The following SH3D19 variants were observed in gnomAD, a reference collection of about 807,000 sequenced individuals.
SH3D19 encodes the protein SH3 domain-containing protein 19.
Under a neutral mutation model 112.1 loss-of-function variants are expected in SH3D19, and 58 were observed. That is an observed-to-expected ratio of 0.52 (90% confidence interval 0.42 to 0.64). SH3D19 has a LOEUF of 0.64. SH3D19 is among the 30% of genes least tolerant of loss of function. The probability of loss-of-function intolerance (pLI) is 0.00; values close to 1 mark genes in which losing one functional copy is unlikely to be tolerated. For synonymous variants in SH3D19, 391 were observed against 448.5 expected (o/e 0.87, Z 1.62); for missense variants, 1,090 against 1,263.4 (o/e 0.86, Z 2.08).
At chr4:151,211,349 TC>T (rs1765938368) in intron 2 of SH3D19, among the ~76,000 whole-genome samples, 1 of 151,924 alleles carries the variant, frequency 6.6e-6, no homozygotes, top group Non-Finnish European at 1.5e-5. Context: ...AGTTCCCCCA[TC>T]TTTTCCCCTC....
At chr4:151,124,679 C>T (rs1321532490) in intron 19 of SH3D19, among the ~76,000 whole-genome samples, 3 of 151,846 alleles carry the variant, frequency 2.0e-5, no homozygotes, top group African/African-American at 7.3e-5. Context: ...GATCGCGCCG[C>T]TGACTGCACT....
At chr4:151,311,710 T>C (rs1729476387) in intron 1 of SH3D19, among the ~76,000 whole-genome samples, 1 of 152,006 alleles carries the variant, frequency 6.6e-6, no homozygotes, top group Admixed American at 6.5e-5. Flanking sequence ...TAGCAGGGCA[T>C]GTCCCTGCAG....
chr4:151,195,440 C>T lies in SH3D19; in HGVS notation c.153-7977G>A, dbSNP rs530650281. On this transcript the variant is annotated intron_variant, in intron 2 of 19. Transcript: ENST00000604030. ...TTAACCTTAATTTTCAAGCAAGAAACCTAATGCCTATGTTATTCCAGGCAT... is the reference window on the plus strand; with the variant it reads ...TTAACCTTAATTTTCAAGCAAGAAATCTAATGCCTATGTTATTCCAGGCAT... Among the ~76,000 whole-genome samples the T allele has an allele frequency of 9.6e-5, 14 of 145,330 alleles. No individual in the cohort carries two copies. The South Asian group carries it at 2.9e-3, about 30-fold the overall frequency.
At chr4:151,284,051 T>A (rs1464863892) in intron 1 of SH3D19, among the ~76,000 whole-genome samples, 2 of 152,176 alleles carry the variant, frequency 1.3e-5, no homozygotes, top group Non-Finnish European at 2.9e-5. Flanking sequence ...TAGGTGTGGT[T>A]TTCTTTGCAT....
intron 1 of SH3D19, among the ~76,000 whole-genome samples, chr4:151,286,640 T>C (rs945842976): frequency 1.4e-4 from 21 of 147,540 alleles, no homozygotes; most frequent in Non-Finnish European, 2.8e-4. Context: ...AAAGACCAGG[T>C]CCAGATAGAA....
rs1431628615 is a variant in SH3D19 at position 151,176,959 on chromosome 4, G to T, written c.237-4C>A. ...CACAATGGTGATCTCTGGGCGCCTAGTGGACAGAAGCCTCAGTGAGGTTTT... is the reference window on the plus strand; with the variant it reads ...CACAATGGTGATCTCTGGGCGCCTATTGGACAGAAGCCTCAGTGAGGTTTT... On this transcript the variant is annotated splice_region_variant and splice_polypyrimidine_tract_variant and intron_variant, in intron 4 of 19. Coordinates refer to ENST00000604030, the MANE Select transcript of SH3D19 (RefSeq NM_001378122.1). The T allele has an allele frequency of 1.6e-6, 2 of 1,232,190 alleles. No individual in the cohort carries two copies. Among genetic ancestry groups the T allele is most frequent in the East Asian group, 6.3e-5 (2 of 31,706 alleles). 76.3% of individuals were successfully genotyped at this position (1,232,190 alleles called of 1,614,324 possible). A position where few individuals can be genotyped will look rare whatever the true frequency, so the allele number is the denominator to read the frequency against.
At chr4:151,255,206 C>A (rs1437444334) in intron 1 of SH3D19, among the ~76,000 whole-genome samples, 1 of 149,376 alleles carries the variant, frequency 6.7e-6, no homozygotes, top group South Asian at 2.1e-4. Context: ...GGCTGCCGGG[C>A]GGAGAGGCTC....
At chr4:151,321,182 C>A (rs1013009765) in intron 1 of SH3D19, among the ~76,000 whole-genome samples, 7 of 152,122 alleles carry the variant, frequency 4.6e-5, no homozygotes, top group Non-Finnish European at 1.0e-4. Flanking sequence ...CCCTTCTTCC[C>A]CCACCCAAGC....
chr4:151,178,328 C>T (rs1760276330), intron 4 of SH3D19, among the ~76,000 whole-genome samples: 1 of 152,168 alleles, frequency 6.6e-6, no homozygotes, highest in South Asian at 2.1e-4. Flanking sequence ...ATAATACCTG[C>T]TCTGCCTTTC....
At chr4:151,279,670 G>C in intron 1 of SH3D19, 1 of 810,202 alleles carries the variant, frequency 1.2e-6, no homozygotes, top group Non-Finnish European at 2.0e-6. Flanking sequence ...AGAATAGGAT[G>C]GAGTATGGTG....
rs188408204 is a variant in SH3D19, at chr4:151,129,387, C to T, written c.2743-1031G>A. 3.2e-3 allele frequency among the ~76,000 whole-genome samples: 490 copies of T among 151,828 alleles called. 2 individuals are homozygous for T. The highest frequency in any genetic ancestry group is 0.011 in the African/African-American group (455 of 41,412). On this transcript the variant is annotated intron_variant, in intron 17 of 19. Transcript: ENST00000604030. Reference sequence around the variant, plus strand: ...GGATAATGAAAAGGCTTTTTTCTTTCGAGATGGAGTCTCGCTCTGTTGCCC... The same window carrying T: ...GGATAATGAAAAGGCTTTTTTCTTTTGAGATGGAGTCTCGCTCTGTTGCCC...
chr4:151,291,808 G>A (rs754335924), intron 1 of SH3D19, among the ~76,000 whole-genome samples: 10 of 152,092 alleles, frequency 6.6e-5, no homozygotes, highest in Non-Finnish European at 1.3e-4. Flanking sequence ...GGTCTACCTC[G>A]TGCCCATGGG....
At chr4:151,308,480 TACC>T (rs530175312) in intron 1 of SH3D19, among the ~76,000 whole-genome samples, 136 of 152,332 alleles carry the variant, frequency 8.9e-4, no homozygotes, top group African/African-American at 3.0e-3. Context: ...GCCATGTGGG[TACC>T]ACAAGACTCT....
At chr4:151,226,837 G>A (rs1769088536) in intron 1 of SH3D19, among the ~76,000 whole-genome samples, 1 of 152,190 alleles carries the variant, frequency 6.6e-6, no homozygotes, top group Non-Finnish European at 1.5e-5. Context: ...CTTTTCAAAA[G>A]TGACTCTCTA....
At chr4:151,320,851 G>C (rs1580485254) in intron 1 of SH3D19, among the ~76,000 whole-genome samples, 1 of 151,980 alleles carries the variant, frequency 6.6e-6, no homozygotes, top group African/African-American at 2.4e-5. Context: ...ACCAGCCTGG[G>C]CAACATGGCA....
intron 11 of SH3D19, chr4:151,144,488 G>C: frequency 1.7e-6 from 1 of 579,864 alleles, no homozygotes; most frequent in South Asian, 2.2e-5. Context: ...TTGGAGTTAG[G>C]CCCATAGAAC....
chr4:151,124,787 G>A (rs1237435451), intron 19 of SH3D19, among the ~76,000 whole-genome samples: 3 of 152,182 alleles, frequency 2.0e-5, no homozygotes, highest in African/African-American at 7.2e-5. Flanking sequence ...TGAAAGCAGT[G>A]CAGAATCCCT....
intron 1 of SH3D19, among the ~76,000 whole-genome samples, chr4:151,237,142 C>T (rs146851674): frequency 3.9e-5 from 6 of 152,216 alleles, no homozygotes; most frequent in South Asian, 4.1e-4. Flanking sequence ...CTGAAGCCAG[C>T]GAGACCACGA....
At chr4:151,313,300 G>A (rs1729659859) in intron 1 of SH3D19, among the ~76,000 whole-genome samples, 1 of 151,832 alleles carries the variant, frequency 6.6e-6, no homozygotes, top group African/African-American at 2.4e-5. Context: ...AAATACGAAA[G>A]GAACAAGGTG....
Sources: allele counts gnomAD v4.1 joint callset (sites outside exome capture counted in the v4.1 genomes callset), GRCh38; gene constraint gnomAD v4.1.1; transcripts MANE v1.5; gene names NCBI Gene and HGNC (gene_info 2026-07-23, HGNC 2026-07-21).